The following GRAP2 variants were observed in gnomAD, a reference collection of about 807,000 sequenced individuals.
GRAP2 encodes GRB2-related adapter protein 2.
In GRAP2, 31 loss-of-function variants were observed where a neutral mutation model predicts 43.5. That is an observed-to-expected ratio of 0.71 (90% CI 0.54 to 0.96). The LOEUF is 0.96. Among genes scored for constraint, GRAP2 ranks in the 40% least tolerant of loss-of-function variants. The probability of loss-of-function intolerance (pLI) is 0.00; values close to 1 mark genes in which losing one functional copy is unlikely to be tolerated. For missense variants in GRAP2, 371 were observed against 424.4 expected, an observed-to-expected ratio of 0.87 and a Z score of 1.11; for synonymous variants, 156 against 164.8, an observed-to-expected ratio of 0.95 and a Z score of 0.41.
intron 2 of GRAP2, 36 bp downstream of exon 2, chr22:39,947,220 G>A (rs770553131): frequency 1.1e-6 from 1 of 932,038 alleles, no homozygotes; most frequent in South Asian, 1.3e-5. Flanking sequence ...GCAGTAGGGA[G>A]TTTCAGTTAC....
intron 1 of GRAP2, among the ~76,000 whole-genome samples, chr22:39,927,895 T>G (rs2066721217): frequency 6.6e-6 from 1 of 152,168 alleles, no homozygotes; most frequent in South Asian, 2.1e-4. Flanking sequence ...CTTCCTGGAT[T>G]TGACAAAAAC....
the GRAP2 span, among the ~76,000 whole-genome samples, chr22:39,895,043 C>T: frequency 6.6e-6 from 1 of 152,180 alleles, no homozygotes; most frequent in African/African-American, 2.4e-5. Flanking sequence ...GGAAAAACTA[C>T]ATGTACTGTA....
rs7285372 is a variant in GRAP2 at position 39,946,210 on chromosome 22, G to T, written c.-14-883G>T. On this transcript the variant is annotated intron_variant, in intron 1 of 7. Coordinates refer to ENST00000344138, the MANE Select transcript of GRAP2 (RefSeq NM_004810.4). ...TGCAACTTTATTAATTGAATATTAT[G>T]ATCACCATTTTATAGATGAGGAAAT... Among the ~76,000 whole-genome samples the T allele has an allele frequency of 2.8e-3, 432 of 152,312 alleles. 1 individual carries two copies. The highest frequency in any genetic ancestry group is 9.3e-3 in the African/African-American group (385 of 41,562).
chr22:39,952,178 C>T (rs1022573094), intron 2 of GRAP2, among the ~76,000 whole-genome samples: 1 of 151,962 alleles, frequency 6.6e-6, no homozygotes, highest in Non-Finnish European at 1.5e-5. Context: ...AGGCATGCAC[C>T]ACCATGCCTG....
intron 7 of GRAP2, among the ~76,000 whole-genome samples, chr22:39,970,389 A>C (rs2067226662): frequency 6.6e-6 from 1 of 152,190 alleles, no homozygotes; most frequent in Admixed American, 6.5e-5. Flanking sequence ...CCTGTGATCC[A>C]TCTTGACTTG....
chr22:39,918,380 G>A (rs1161173106), intron 1 of GRAP2, among the ~76,000 whole-genome samples: 4 of 152,230 alleles, frequency 2.6e-5, no homozygotes, highest in African/African-American at 4.8e-5. Flanking sequence ...CACTTTAGAC[G>A]TCCATATTGG....
chr22:39,896,293 A>G (rs1281125714), upstream of GRAP2, among the ~76,000 whole-genome samples: 2 of 152,204 alleles, frequency 1.3e-5, no homozygotes, highest in Non-Finnish European at 2.9e-5. Context: ...CTCCTCACAC[A>G]TATACTTTTA....
At chr22:39,943,612 A>T (rs1180857879) in intron 1 of GRAP2, among the ~76,000 whole-genome samples, 4 of 151,850 alleles carry the variant, frequency 2.6e-5, no homozygotes, top group Non-Finnish European at 5.9e-5. Flanking sequence ...AGCGTCTCAC[A>T]CTGTATGGGC....
intron 2 of GRAP2, among the ~76,000 whole-genome samples, chr22:39,953,216 C>T (rs1204489678): frequency 6.6e-6 from 1 of 152,186 alleles, no homozygotes; most frequent in Non-Finnish European, 1.5e-5. Context: ...TCCAGACTGA[C>T]ATATCCAGCT....
chr22:39,919,396 C>G (rs1168419293), intron 1 of GRAP2, among the ~76,000 whole-genome samples: 1 of 152,048 alleles, frequency 6.6e-6, no homozygotes, highest in Admixed American at 6.6e-5. Flanking sequence ...TCACAAATAA[C>G]TTATATTTTG....
intron 1 of GRAP2, among the ~76,000 whole-genome samples, chr22:39,932,716 C>CAAAA (rs34623445): frequency 3.1e-5 from 3 of 95,348 alleles, no homozygotes; most frequent in African/African-American, 8.0e-5. Context: ...ATACCTGTCT[C>CAAAA]AAAAAAAAAA....
intron 1 of GRAP2, among the ~76,000 whole-genome samples, chr22:39,904,975 A>G (rs961270538): frequency 2.0e-5 from 3 of 152,104 alleles, no homozygotes; most frequent in African/African-American, 7.2e-5. Flanking sequence ...GTTTTTTGCA[A>G]GGTGCCACTG....
At chr22:39,909,203 A>G (rs1045254677) in intron 1 of GRAP2, among the ~76,000 whole-genome samples, 2 of 152,234 alleles carry the variant, frequency 1.3e-5, no homozygotes, top group Admixed American at 1.3e-4. Context: ...ACCGGGTACT[A>G]TAAGATTTTA....
At chr22:39,914,838 A>G (rs2066591710) in intron 1 of GRAP2, among the ~76,000 whole-genome samples, 1 of 152,156 alleles carries the variant, frequency 6.6e-6, no homozygotes, top group Non-Finnish European at 1.5e-5. Context: ...TGAAATGAGC[A>G]TTTCTGCCTT....
chr22:39,952,137 G>A (rs899177942), intron 2 of GRAP2, among the ~76,000 whole-genome samples: 3 of 151,132 alleles, frequency 2.0e-5, no homozygotes, highest in South Asian at 2.1e-4. Context: ...AGCAATTCTC[G>A]TGGCTCAGCC....
intron 1 of GRAP2, among the ~76,000 whole-genome samples, chr22:39,937,087 TG>T: frequency 6.6e-6 from 1 of 152,348 alleles, no homozygotes; most frequent in East Asian, 1.9e-4. Context: ...TGAAATCTCT[TG>T]CCTCCATTTC....
chr22:39,926,812 T>A (rs1432876176), intron 1 of GRAP2: 1 of 984,658 alleles, frequency 1.0e-6, no homozygotes, highest in Non-Finnish European at 1.2e-6. Flanking sequence ...GGAACCCTGA[T>A]CACTGCCAAT....
the GRAP2 span, among the ~76,000 whole-genome samples, chr22:39,894,093 AAAG>A: frequency 1.3e-5 from 2 of 152,066 alleles, no homozygotes; most frequent in Non-Finnish European, 2.9e-5. Context: ...GACATTAAAA[AAAG>A]AAAAAAAATG....
intron 5 of GRAP2, among the ~76,000 whole-genome samples, chr22:39,967,718 G>A (rs1275887476): frequency 6.6e-6 from 1 of 152,186 alleles, no homozygotes; most frequent in Non-Finnish European, 1.5e-5. Flanking sequence ...GGGTGGCATT[G>A]TATCAGTAAA....
Sources: allele counts gnomAD v4.1 joint callset (sites outside exome capture counted in the v4.1 genomes callset), GRCh38; gene constraint gnomAD v4.1.1; transcripts MANE v1.5; gene names NCBI Gene and HGNC (gene_info 2026-07-23, HGNC 2026-07-21).